The following TRIM2 variants were observed in gnomAD, a reference collection of about 807,000 sequenced individuals.
TRIM2 encodes tripartite motif containing 2.
In TRIM2, 20 loss-of-function variants were observed where a neutral mutation model predicts 75.2. The ratio of observed to expected loss-of-function variants is 0.27; its 90% CI spans 0.19 to 0.39. The LOEUF is 0.39. Ranked by LOEUF, TRIM2 falls within the 10% of genes least tolerant of loss-of-function variation. TRIM2 has a pLI of 1.00. For synonymous variants in TRIM2, 373 were observed against 388.3 expected (o/e 0.96, Z 0.46); for missense variants, 660 against 990.8 (o/e 0.67, Z 4.48).
intron 8 of TRIM2, among the ~76,000 whole-genome samples, chr4:153,316,756 C>G (rs1767676250): frequency 6.6e-6 from 1 of 151,752 alleles, no homozygotes; most frequent in Non-Finnish European, 1.5e-5. Flanking sequence ...TAACAGAAAT[C>G]TCTCTTATGA....
At chr4:153,216,479 C>T (rs1579655122) in intron 1 of TRIM2, among the ~76,000 whole-genome samples, 1 of 152,168 alleles carries the variant, frequency 6.6e-6, no homozygotes, top group East Asian at 1.9e-4. Context: ...CTGTTCCTCT[C>T]CTGCAGAGGG....
intron 1 of TRIM2, among the ~76,000 whole-genome samples, chr4:153,179,182 CAGT>C: frequency 6.6e-6 from 1 of 151,694 alleles, no homozygotes; most frequent in Non-Finnish European, 1.5e-5. Context: ...CAAATATTAA[CAGT>C]AATTTGTTAA....
In TRIM2 at chr4:153,326,108, T is replaced by A. The variant is rs945784673; in HGVS notation, c.2022+1960T>A. Reference sequence around the variant, plus strand: ...AGGGCTATCATCAAGGTGATTTTTTTAAAAAACTTGCTTTAAATATTTATT... The same window carrying A: ...AGGGCTATCATCAAGGTGATTTTTTAAAAAAACTTGCTTTAAATATTTATT... On this transcript the variant is annotated intron_variant, in intron 10 of 11. Coordinates refer to ENST00000338700, the MANE Select transcript of TRIM2 (RefSeq NM_015271.5). Among the ~76,000 whole-genome samples, 9 of 152,220 alleles carry A rather than the reference T, an allele frequency of 5.9e-5. No homozygotes were observed. In the South Asian group the frequency reaches 8.3e-4, roughly 14 times the overall value.
chr4:153,295,704 C>A lies in TRIM2; in HGVS notation c.1178C>A (p.Thr393Asn). 2 of 1,613,930 alleles carry A rather than the reference C, an allele frequency of 1.2e-6. No individual in the cohort carries two copies. Among genetic ancestry groups the A allele is most frequent in the Non-Finnish European group, 1.7e-6 (2 of 1,179,944 alleles). ...ELCKTGNAYL[T>N]AELSTPDGSV... is the part of the protein sequence containing the mutation. ...TGCAAAACCGGCAACGCCTACCTCA[C>A]CGCCGAACTGAGCACCCCCGACGGG... Residue 393 changes from threonine (T) to asparagine (N), a missense_variant, in exon 6 of 12, where the codon ACC (threonine) becomes AAC (asparagine). Physicochemically the swap from Thr to Asn is moderately conservative, Grantham distance 65. Around this residue, in one of 2 missense-constraint regions of TRIM2, gnomAD observed 620 missense variants for 891.0 expected, o/e 0.70. Transcript: ENST00000338700. This position sits in a 1 kb window ranked among gnomAD's most constrained non-coding sequence, Gnocchi z 7.2.
chr4:153,210,215 C>T (rs928504558), intron 1 of TRIM2, among the ~76,000 whole-genome samples: 2 of 152,026 alleles, frequency 1.3e-5, no homozygotes, highest in Non-Finnish European at 2.9e-5. Flanking sequence ...CAGACACCTG[C>T]TACCACGCAT....
intron 6 of TRIM2, chr4:153,308,178 C>T (rs1302813682): frequency 4.6e-5 from 64 of 1,388,508 alleles, no homozygotes; most frequent in Non-Finnish European, 5.0e-5. Flanking sequence ...ATAGAGATCC[C>T]GGGCATCTTG....
chr4:153,267,769 CTTCT>C (rs1190519221), intron 1 of TRIM2, among the ~76,000 whole-genome samples: 1 of 150,544 alleles, frequency 6.6e-6, no homozygotes, highest in Admixed American at 6.6e-5. Flanking sequence ...CTTTCTTTTC[CTTCT>C]TTATTTCTTT....
In TRIM2 at chr4:153,242,930, G is replaced by A. The variant is rs187229579; in HGVS notation, c.31-27405G>A. Among the ~76,000 whole-genome samples, 57 of 152,356 alleles carry A rather than the reference G, an allele frequency of 3.7e-4. 1 individual carries two copies. The highest frequency in any genetic ancestry group is 3.6e-3 in the Admixed American group (55 of 15,308). On this transcript the variant is annotated intron_variant, in intron 1 of 11. Coordinates refer to ENST00000338700, the MANE Select transcript of TRIM2 (RefSeq NM_015271.5). Reference sequence around the variant, plus strand: ...ATCTCCACTGAGCACCAGGTGTCCTGAAGAGATGGGCGGGGGTGGAGGCAG... The same window carrying A: ...ATCTCCACTGAGCACCAGGTGTCCTAAAGAGATGGGCGGGGGTGGAGGCAG...
chr4:153,248,613 G>T lies in TRIM2; in HGVS notation c.31-21722G>T, dbSNP rs956643848. Among the ~76,000 whole-genome samples, 1 of 152,194 alleles carries T rather than the reference G, an allele frequency of 6.6e-6. No individual in the cohort carries two copies. The highest frequency in any genetic ancestry group is 2.4e-5 in the African/African-American group (1 of 41,436). On this transcript the variant is annotated intron_variant, in intron 1 of 11. Coordinates refer to ENST00000338700, the MANE Select transcript of TRIM2 (RefSeq NM_015271.5). This position sits in a 1 kb window ranked among gnomAD's most constrained non-coding sequence, Gnocchi z 4.0. ...ATTTTACAAACGAGCTAACAGACAG[G>T]CAAGGAGCAACCTGCAGATAAAGCA...
rs144310860 is a variant in TRIM2 at position 153,165,556 on chromosome 4, C to T, written c.-49+12286C>T. Among the ~76,000 whole-genome samples, 491 of 152,302 alleles carry T rather than the reference C, an allele frequency of 3.2e-3. 3 individuals are homozygous for T. Among genetic ancestry groups the T allele is most frequent in the African/African-American group, 0.011 (469 of 41,556 alleles). On this transcript the variant is annotated intron_variant, in intron 1 of 11. Coordinates refer to the TRIM2 transcript ENST00000437508. ...CTGTGTTGCCCAGGCTGGTCTCGAA[C>T]TCCCGGGCTCAAGCCATCCTCCCAT...
intron 3 of TRIM2, among the ~76,000 whole-genome samples, chr4:153,288,011 T>C (rs1761033542): frequency 6.6e-6 from 1 of 152,226 alleles, no homozygotes; most frequent in East Asian, 1.9e-4. Flanking sequence ...TGTTAATTTT[T>C]CCTTCATGTT....
chr4:153,185,652 C>T (rs1317198547), intron 1 of TRIM2, among the ~76,000 whole-genome samples: 1 of 152,152 alleles, frequency 6.6e-6, no homozygotes, highest in Non-Finnish European at 1.5e-5. Flanking sequence ...TGAGTTTCTG[C>T]TTTGTCCCTC....
intron 1 of TRIM2, among the ~76,000 whole-genome samples, chr4:153,251,614 C>T (rs1368587988): frequency 1.3e-5 from 2 of 152,126 alleles, no homozygotes; most frequent in African/African-American, 4.8e-5. Flanking sequence ...GGGTACTTAG[C>T]ATATGCATCA....
intron 1 of TRIM2, among the ~76,000 whole-genome samples, chr4:153,169,313 C>T (rs1002533319): frequency 6.6e-6 from 1 of 152,202 alleles, no homozygotes; most frequent in African/African-American, 2.4e-5. Context: ...CTGTGACTGA[C>T]CTGCCTCAGA....
chr4:153,249,378 T>G (rs543691005), intron 1 of TRIM2, among the ~76,000 whole-genome samples: 65 of 152,180 alleles, frequency 4.3e-4, no homozygotes, highest in Non-Finnish European at 7.4e-4. Flanking sequence ...CCGCCTGGCA[T>G]GCGTGGCCGG....
intron 1 of TRIM2, among the ~76,000 whole-genome samples, chr4:153,213,850 C>G (rs1034553258): frequency 3.9e-5 from 6 of 152,118 alleles, no homozygotes; most frequent in Non-Finnish European, 7.4e-5. Flanking sequence ...TACTATTTAA[C>G]GAATTTAATC....
intron 1 of TRIM2, chr4:153,267,043 G>A (rs1027684713): frequency 6.9e-6 from 1 of 145,530 alleles, no homozygotes; most frequent in African/African-American, 2.4e-5. Flanking sequence ...AAGTTGACAC[G>A]CTTTTTTAAA....
chr4:153,222,708 AC>A (rs1329387101), intron 1 of TRIM2: 1 of 152,256 alleles, frequency 6.6e-6, no homozygotes, highest in African/African-American at 2.4e-5. Context: ...AGCCGAGGAC[AC>A]CCGGTGAAAG....
chr4:153,258,449 C>G (rs1241549477), intron 1 of TRIM2, among the ~76,000 whole-genome samples: 2 of 151,640 alleles, frequency 1.3e-5, no homozygotes, highest in Non-Finnish European at 2.9e-5. Flanking sequence ...GGTTTGCTTC[C>G]TGAAACAGTG....
Sources: gnomAD v4.1 joint callset for allele counts (sites outside exome capture counted in the v4.1 genomes callset) on GRCh38, gnomAD v4.1.1 for gene constraint, gnomAD v4.1.1 regional missense constraint, Gnocchi (gnomAD v3.1) non-coding constraint, MANE v1.5 for transcripts, NCBI Gene and HGNC (gene_info 2026-07-23, HGNC 2026-07-21) for gene names.